Variants in MGMT observed in about 807,000 individuals in gnomAD.
MGMT encodes the protein methylated-DNA--protein-cysteine methyltransferase.
MGMT carries 14 observed loss-of-function variants against 15.9 expected under a neutral mutation model. The observed-to-expected ratio is 0.88, with a 90% confidence interval of 0.58 to 1.37. The LOEUF (loss-of-function observed/expected upper bound fraction) is 1.37, where lower values mean the gene tolerates loss of function less well. Ranked by LOEUF, MGMT falls within the 40% of genes most tolerant of loss-of-function variation. The pLI is 0.00. For missense variants in MGMT, 282 were observed against 268.1 expected, an observed-to-expected ratio of 1.05 and a Z score of -0.36; for synonymous variants, 130 against 118.2, an observed-to-expected ratio of 1.10 and a Z score of -0.65.
intron 3 of MGMT, among the ~76,000 whole-genome samples, chr10:129,736,642 G>T (rs1377716340): frequency 2.6e-5 from 4 of 152,162 alleles, no homozygotes; most frequent in Non-Finnish European, 5.9e-5. Context: ...AGTTGATGCA[G>T]TTTTTTCCTA....
chr10:129,549,637 A>G (rs1044323947), intron 2 of MGMT, among the ~76,000 whole-genome samples: 6 of 152,120 alleles, frequency 3.9e-5, no homozygotes, highest in Non-Finnish European at 8.8e-5. Flanking sequence ...GTTTGCTTGC[A>G]TGAAGCGTCA....
At chr10:129,714,230 C>T (rs1848267490) in intron 3 of MGMT, among the ~76,000 whole-genome samples, 1 of 152,246 alleles carries the variant, frequency 6.6e-6, no homozygotes, top group South Asian at 2.1e-4. Context: ...ACTCTCAGCT[C>T]CTGAGCTTGG....
intron 2 of MGMT, among the ~76,000 whole-genome samples, chr10:129,655,021 T>C (rs1179466423): frequency 6.6e-6 from 1 of 152,180 alleles, no homozygotes; most frequent in African/African-American, 2.4e-5. Flanking sequence ...GAGGAAACCA[T>C]TCAGGCTCGA....
Position 129,770,635 on chromosome 10 carries a change from T to C in MGMT, c.*3638T>C, listed in dbSNP as rs993229214. ...TTCATGAAGCTACAGATCTTAGTGC[T>C]ACTTGGGCTTCTCACAGCACAGAGG... On this transcript the variant is annotated 3_prime_UTR_variant, in exon 5 of 5. Coordinates refer to ENST00000651593, the MANE Select transcript of MGMT (RefSeq NM_002412.5). 1.3e-5 allele frequency among the ~76,000 whole-genome samples: 2 copies of C among 152,258 alleles called. No homozygotes were observed. The highest frequency in any genetic ancestry group is 2.9e-5 in the Non-Finnish European group (2 of 68,052).
At chr10:129,704,541 T>C (rs1401701930) in intron 2 of MGMT, among the ~76,000 whole-genome samples, 1 of 152,114 alleles carries the variant, frequency 6.6e-6, no homozygotes, top group African/African-American at 2.4e-5. Flanking sequence ...GGCCGCAGTG[T>C]CCACGGGGTC....
intron 2 of MGMT, among the ~76,000 whole-genome samples, chr10:129,605,827 G>T (rs909549494): frequency 2.0e-5 from 3 of 152,094 alleles, no homozygotes; most frequent in Non-Finnish European, 2.9e-5. Flanking sequence ...ATGTGCTTGC[G>T]TGGCCAAAAA....
At chr10:129,660,123 G>T (rs1438843934) in intron 2 of MGMT, among the ~76,000 whole-genome samples, 3 of 152,130 alleles carry the variant, frequency 2.0e-5, no homozygotes, top group Admixed American at 6.6e-5. Flanking sequence ...TTTCTCTCCT[G>T]TCACTTTTAC....
Position 129,467,274 on chromosome 10 carries a change from C to T in MGMT, c.-35C>T, listed in dbSNP as rs766875129. 2 of 1,544,380 alleles carry T rather than the reference C, an allele frequency of 1.3e-6. No homozygotes were observed. Among genetic ancestry groups the T allele is most frequent in the South Asian group, 1.2e-5 (1 of 83,464 alleles). The stretch of plus-strand genomic sequence containing the variant: ...GCGTCCCGACGCCCGCAGGTCCTCG[C>T]GGTGCGCACCGTTTGCGACTTGGTG... On this transcript the variant is annotated 5_prime_UTR_variant, in exon 1 of 5. Transcript: ENST00000651593.
At chr10:129,588,653 C>A (rs775871864) in intron 2 of MGMT, among the ~76,000 whole-genome samples, 1 of 152,180 alleles carries the variant, frequency 6.6e-6, no homozygotes, top group Non-Finnish European at 1.5e-5. Context: ...GGGTCCAGTC[C>A]TGCCTGTACT....
chr10:129,486,817 C>T (rs186059044), intron 1 of MGMT, among the ~76,000 whole-genome samples: 2 of 152,280 alleles, frequency 1.3e-5, no homozygotes, highest in Non-Finnish European at 2.9e-5. Context: ...TGATGTCTGT[C>T]ATTTCAGCAT....
At chr10:129,609,687 G>C (rs1020887683) in intron 2 of MGMT, among the ~76,000 whole-genome samples, 1 of 152,198 alleles carries the variant, frequency 6.6e-6, no homozygotes, top group Non-Finnish European at 1.5e-5. Context: ...GTAAGACCTG[G>C]TGCTTCTTTG....
intron 2 of MGMT, among the ~76,000 whole-genome samples, chr10:129,679,336 G>A (rs552764673): frequency 3.3e-5 from 5 of 151,300 alleles, no homozygotes; most frequent in Admixed American, 6.6e-5. Flanking sequence ...CAGAACTGGC[G>A]TGAGGTCCGA....
chr10:129,643,455 C>G (rs894356355), intron 2 of MGMT, among the ~76,000 whole-genome samples: 1 of 152,142 alleles, frequency 6.6e-6, no homozygotes, highest in African/African-American at 2.4e-5. Context: ...AGGCAGAGAG[C>G]CTGTTTGAGC....
chr10:129,673,470 A>G (rs897676201), intron 2 of MGMT, among the ~76,000 whole-genome samples: 4 of 152,148 alleles, frequency 2.6e-5, no homozygotes, highest in African/African-American at 9.7e-5. Context: ...GTCTTGGTTA[A>G]GGTGTCTTCC....
chr10:129,468,840 G>A (rs1845199564), intron 1 of MGMT, among the ~76,000 whole-genome samples: 1 of 152,150 alleles, frequency 6.6e-6, no homozygotes, highest in African/African-American at 2.4e-5. Context: ...AGCCGAGATT[G>A]CGCCATTGCA....
intron 2 of MGMT, among the ~76,000 whole-genome samples, chr10:129,602,807 G>A (rs2133062516): frequency 6.6e-6 from 1 of 152,054 alleles, no homozygotes; most frequent in Non-Finnish European, 1.5e-5. Flanking sequence ...GCTTTCTGGT[G>A]TCTACACAGA....
At chr10:129,631,218 A>G (rs1181298042) in intron 2 of MGMT, among the ~76,000 whole-genome samples, 1 of 152,118 alleles carries the variant, frequency 6.6e-6, no homozygotes, top group Non-Finnish European at 1.5e-5. Flanking sequence ...AGCTGTGACA[A>G]CGTAGCCTGA....
chr10:129,608,079 A>G (rs1208052127), intron 2 of MGMT, among the ~76,000 whole-genome samples: 1 of 152,210 alleles, frequency 6.6e-6, no homozygotes, highest in Non-Finnish European at 1.5e-5. Context: ...GACAGCCATT[A>G]TGAATCTTGT....
At chr10:129,706,030 C>T (rs896829284) in intron 2 of MGMT, among the ~76,000 whole-genome samples, 2 of 152,230 alleles carry the variant, frequency 1.3e-5, no homozygotes, top group Non-Finnish European at 2.9e-5. Flanking sequence ...GTTCTTACTG[C>T]TGCAGCCCTG....
Sources: allele counts gnomAD v4.1 joint callset (sites outside exome capture counted in the v4.1 genomes callset), GRCh38; gene constraint gnomAD v4.1.1; transcripts MANE v1.5; gene names NCBI Gene and HGNC (gene_info 2026-07-23, HGNC 2026-07-21).